Variants in LRCH4 observed in about 807,000 individuals in gnomAD.
LRCH4 encodes leucine rich repeats and calponin homology domain containing 4.
In LRCH4, 56 loss-of-function variants were observed where a neutral mutation model predicts 81.2. The ratio of observed to expected loss-of-function variants is 0.69; its 90% CI spans 0.56 to 0.86. The LOEUF (loss-of-function observed/expected upper bound fraction) is 0.86, where lower values mean the gene tolerates loss of function less well. Ranked by LOEUF, LRCH4 falls within the 40% of genes least tolerant of loss-of-function variation. The pLI is 0.00. For synonymous variants in LRCH4, 442 were observed against 409.7 expected, an observed-to-expected ratio of 1.08 and a Z score of -0.95; for missense variants, 895 against 922.8, an observed-to-expected ratio of 0.97 and a Z score of 0.39.
Position 100,582,950 on chromosome 7 carries a change from C to T in LRCH4, c.221-491G>A, listed in dbSNP as rs1026159680. The stretch of plus-strand genomic sequence containing the variant: ...CTTCTTCCCTACTCCAGTGTGTTTT[C>T]AACACGGGAAAAACCACAGGTCACT... On this transcript the variant is annotated intron_variant, in intron 1 of 17. Transcript: ENST00000310300. The surrounding 1 kb of genome is among the most constrained non-coding windows in gnomAD (Gnocchi z 5.0). Among the ~76,000 whole-genome samples, 1 of 152,180 alleles carries T rather than the reference C, an allele frequency of 6.6e-6. No individual in the cohort carries two copies. The highest frequency in any genetic ancestry group is 1.5e-5 in the Non-Finnish European group (1 of 68,026).
rs983477869 is a variant in LRCH4, at chr7:100,583,127, G to C, written c.221-668C>G. Reference sequence around the variant, plus strand: ...AAGACCTGGTTGGAGATGGGAGCTGGAGTTCCCAGGTCCCTCCCATCTGGG... The same window carrying C: ...AAGACCTGGTTGGAGATGGGAGCTGCAGTTCCCAGGTCCCTCCCATCTGGG... On this transcript the variant is annotated intron_variant, in intron 1 of 17. Coordinates refer to ENST00000310300, the MANE Select transcript of LRCH4 (RefSeq NM_002319.5). The surrounding 1 kb of genome is among the most constrained non-coding windows in gnomAD (Gnocchi z 4.3). Among the ~76,000 whole-genome samples the C allele has an allele frequency of 6.6e-6, 1 of 152,182 alleles. No homozygotes were observed. Among genetic ancestry groups the C allele is most frequent in the Non-Finnish European group, 1.5e-5 (1 of 68,024 alleles).
chr7:100,585,568 G>C (rs911481931), intron 1 of LRCH4, among the ~76,000 whole-genome samples: 1 of 152,072 alleles, frequency 6.6e-6, no homozygotes, highest in African/African-American at 2.4e-5. Flanking sequence ...GAGGTTAAGA[G>C]ATCATGTAAA....
chr7:100,578,598 C>T lies in LRCH4; in HGVS notation c.735+52G>A. 3 of 1,603,574 alleles carry T rather than the reference C, an allele frequency of 1.9e-6. No homozygotes were observed. Among genetic ancestry groups the T allele is most frequent in the Non-Finnish European group, 2.6e-6 (3 of 1,173,722 alleles). ...CAGCTATCCAAGGGGACCAACCCCA[C>T]TCCTGCCTAGCCACACCCCTGTCCT... On this transcript the variant is annotated intron_variant, in intron 5 of 17. Transcript: ENST00000310300. This position sits in a 1 kb window ranked among gnomAD's most constrained non-coding sequence, Gnocchi z 5.7.
rs755695889 is a variant in LRCH4, at chr7:100,578,310, C to G, written c.849-52G>C. 3.7e-6 allele frequency: 6 copies of G among 1,602,530 alleles called. No individual in the cohort carries two copies. The highest frequency in any genetic ancestry group is 2.7e-5 in the African/African-American group (2 of 74,698). On this transcript the variant is annotated intron_variant, in intron 6 of 17. Transcript: ENST00000310300. The surrounding 1 kb of genome is among the most constrained non-coding windows in gnomAD (Gnocchi z 5.7). ...AGCCTGATGCTGGACAACAGCCCCC[C>G]ATCCTCCTGCCAGAAAGCAGGGGGT...
At position 100,582,436 on chromosome 7, in the gene LRCH4, C is replaced by G. The variant is rs377324041; in HGVS notation, c.244G>C (p.Glu82Gln). 1.9e-6 allele frequency: 3 copies of G among 1,611,388 alleles called. No individual in the cohort carries two copies. ...AGCTGGCACGCCGCCTCGGGCACCT[C>G]GGGAAACCGGTTCCGGGACAGGTCT... The part of the protein sequence containing the change: ...QADLSRNRFP[E>Q]VPEAACQLVS... Residue 82 changes from glutamate to glutamine, a missense_variant, in exon 2 of 18, where the codon GAG (glutamate) becomes CAG (glutamine). Glu to Gln is a conservative substitution (Grantham distance 29, BLOSUM62 2). Around this residue, in one of 3 missense-constraint regions of LRCH4, gnomAD observed 360 missense variants for 397.0 expected, o/e 0.91. Transcript: ENST00000310300. The surrounding 1 kb of genome is among the most constrained non-coding windows in gnomAD (Gnocchi z 5.0).
chr7:100,574,618 ACGCG>A lies in LRCH4; in HGVS notation c.*485_*488del, dbSNP rs144874653. On this transcript the variant is annotated 3_prime_UTR_variant, in exon 18 of 18. Coordinates refer to ENST00000310300, the MANE Select transcript of LRCH4 (RefSeq NM_002319.5). ...CCACAGCCACCAACACGCGGAGCAGACGCGCGCGCGCGCGCACACACACACACAC... is the reference window on the plus strand; with the variant it reads ...CCACAGCCACCAACACGCGGAGCAGACGCGCGCGCGCACACACACACACAC... 1 of 152,526 alleles carries A rather than the reference ACGCG, an allele frequency of 6.6e-6. No homozygotes were observed. The highest frequency in any genetic ancestry group is 1.5e-5 in the Non-Finnish European group (1 of 68,872). The allele number at this position is 152,526 out of a possible 1,614,324, so 9.4% of individuals were successfully genotyped here. A position where few individuals can be genotyped will look rare whatever the true frequency, so the allele number is the denominator to read the frequency against.
chr7:100,580,435 CACACACACACA>C (rs1316595889), intron 4 of LRCH4: 1 of 152,252 alleles, frequency 6.6e-6, no homozygotes, highest in African/African-American at 2.4e-5. Context: ...CACACACACA[CACACACACACA>C]AAACCCACAC....
At position 100,582,029 on chromosome 7, in the gene LRCH4, C is replaced by T. The variant is rs1292461191; in HGVS notation, c.492+12G>A. On this transcript the variant is annotated intron_variant, in intron 3 of 17. Transcript: ENST00000310300. This position sits in a 1 kb window ranked among gnomAD's most constrained non-coding sequence, Gnocchi z 5.0. ...TCAGGGGTCCCTTTCCTGGTCCCGT[C>T]CCCATCCTCACAAGCTGTCGCAGGC... 1 of 1,606,086 alleles carries T rather than the reference C, an allele frequency of 6.2e-7. No individual in the cohort carries two copies. The highest frequency in any genetic ancestry group is 8.5e-7 in the Non-Finnish European group (1 of 1,176,618).
In LRCH4 at chr7:100,586,051, G is replaced by A; in HGVS notation, c.50C>T (p.Ala17Val). The A allele has an allele frequency of 3.2e-6, 5 of 1,580,282 alleles. No homozygotes were observed. The highest frequency in any genetic ancestry group is 3.4e-6 in the Non-Finnish European group (4 of 1,164,636). ...APLAAGGEEA[A>V]ATTSVPGSPG... ...AGACCCGGGCACGGAGGTCGTGGCT[G>A]CCGCCTCCTCACCCCCGGCGGCGAG... Residue 17 changes from alanine (A) to valine (V), a missense_variant, in exon 1 of 18, where the codon GCA (alanine) becomes GTA (valine). Ala to Val is a moderately conservative substitution (Grantham distance 64, BLOSUM62 0). Coordinates refer to ENST00000310300, the MANE Select transcript of LRCH4 (RefSeq NM_002319.5).
Position 100,575,742 on chromosome 7 carries a change from C to T in LRCH4, c.1817G>A (p.Ser606Asn). ...SALKARKNVESFLEACRKMGV... is the reference protein window; with the variant it reads ...SALKARKNVENFLEACRKMGV... ...CATTTTTCGACAGGCTTCTAGAAAACTCTCCACATTCTTCCGAGCCTTGAG... is the reference window on the plus strand; with the variant it reads ...CATTTTTCGACAGGCTTCTAGAAAATTCTCCACATTCTTCCGAGCCTTGAG... Residue 606 changes from serine to asparagine, a missense_variant, in exon 17 of 18, where the codon AGT (serine) becomes AAT (asparagine). This residue lies in a region of LRCH4 where 529 missense variants were observed against 504.9 expected (regional missense o/e 1.05). Coordinates refer to ENST00000310300, the MANE Select transcript of LRCH4 (RefSeq NM_002319.5). This position sits in a 1 kb window ranked among gnomAD's most constrained non-coding sequence, Gnocchi z 5.3. 1 of 1,613,724 alleles carries T rather than the reference C, an allele frequency of 6.2e-7. No individual in the cohort carries two copies. The highest frequency in any genetic ancestry group is 8.5e-7 in the Non-Finnish European group (1 of 1,179,764).
chr7:100,584,564 AACAG>A (rs1286600287), intron 1 of LRCH4: 3 of 396,310 alleles, frequency 7.6e-6, no homozygotes, highest in Admixed American at 2.9e-5. Context: ...AGGGGAAGGG[AACAG>A]ACAGTGAGTG....
rs770980717 is a variant in LRCH4, at chr7:100,575,685, T to G, written c.1854+20A>C. On this transcript the variant is annotated intron_variant, in intron 17 of 17. Coordinates refer to ENST00000310300, the MANE Select transcript of LRCH4 (RefSeq NM_002319.5). The surrounding 1 kb of genome is among the most constrained non-coding windows in gnomAD (Gnocchi z 5.3). The stretch of plus-strand genomic sequence containing the variant: ...GCTGAGTCCGGCATGCCACCACTCT[T>G]TAGAAAGCAGCCCCCATACCTCAGG... 6 of 1,613,758 alleles carry G rather than the reference T, an allele frequency of 3.7e-6. No individual in the cohort carries two copies. Among genetic ancestry groups the G allele is most frequent in the East Asian group, 4.5e-5 (2 of 44,896 alleles).
intron 1 of LRCH4, chr7:100,584,311 G>A: frequency 2.2e-6 from 1 of 448,762 alleles, no homozygotes. Context: ...TAGAACCTGG[G>A]CCCTGTGTAG....
chr7:100,581,589 CAG>C, intron 4 of LRCH4, 186 bp downstream of exon 4: 1 of 566,902 alleles, frequency 1.8e-6, no homozygotes, highest in South Asian at 2.2e-5. Flanking sequence ...AGTCTGCAGC[CAG>C]GAAAAGCACC....
At position 100,578,559 on chromosome 7, in the gene LRCH4, C is replaced by T. The variant is rs769967252; in HGVS notation, c.736-48G>A. ...CAGGGAGTTGGCAGGGAGGGCAGCT[C>T]CCCGGATCCTGCTCAGCTATCCAAG... On this transcript the variant is annotated intron_variant, in intron 5 of 17. Coordinates refer to ENST00000310300, the MANE Select transcript of LRCH4 (RefSeq NM_002319.5). This position sits in a 1 kb window ranked among gnomAD's most constrained non-coding sequence, Gnocchi z 5.7. The T allele has an allele frequency of 1.9e-6, 3 of 1,601,910 alleles. No individual in the cohort carries two copies. The highest frequency in any genetic ancestry group is 3.4e-5 in the Admixed American group (2 of 59,322).
chr7:100,583,923 G>C lies in LRCH4; in HGVS notation c.221-1464C>G, dbSNP rs1214505417. ...AAGCTAGGAGCGGAAGGGAGCTCAG[G>C]CAGGAGGCAGGGCACTGGGGGCACA... On this transcript the variant is annotated intron_variant, in intron 1 of 17. Transcript: ENST00000310300. The surrounding 1 kb of genome is among the most constrained non-coding windows in gnomAD (Gnocchi z 4.3). The C allele has an allele frequency of 6.4e-6, 2 of 310,434 alleles. No individual in the cohort carries two copies. Among genetic ancestry groups the C allele is most frequent in the Admixed American group, 8.0e-5 (2 of 24,854 alleles). 19.2% of individuals were successfully genotyped at this position (310,434 alleles called of 1,614,324 possible). A position where few individuals can be genotyped will look rare whatever the true frequency, so the allele number is the denominator to read the frequency against.
At chr7:100,585,344 A>T (rs940067488) in intron 1 of LRCH4, 1 of 158,814 alleles carries the variant, frequency 6.3e-6, no homozygotes, top group African/African-American at 2.4e-5. Flanking sequence ...TAGGCTGGAG[A>T]GCTGCGTGGA....
Position 100,574,031 on chromosome 7 carries a change from G to C in LRCH4, c.*1076C>G, listed in dbSNP as rs1801243079. 6.0e-6 allele frequency: 1 copy of C among 167,778 alleles called. No individual in the cohort carries two copies. The highest frequency in any genetic ancestry group is 2.0e-4 in the South Asian group (1 of 4,970). The allele number at this position is 167,778 out of a possible 1,614,324, so 10.4% of individuals were successfully genotyped here. A position where few individuals can be genotyped will look rare whatever the true frequency, so the allele number is the denominator to read the frequency against. On this transcript the variant is annotated 3_prime_UTR_variant, in exon 18 of 18. Transcript: ENST00000310300. ...CACAGTTACACCTGAGGGCCACCCA[G>C]AGGGCTTCTGGCTTCTGTTTATTGC...
At position 100,582,234 on chromosome 7, in the gene LRCH4, G is replaced by A. The variant is rs11761260; in HGVS notation, c.366-67C>T. 0.082 allele frequency: 131,875 copies of A among 1,613,152 alleles called. 6,111 individuals carry two copies. Among genetic ancestry groups the A allele is most frequent in the Non-Finnish European group, 0.094 (111,211 of 1,179,786 alleles). On this transcript the variant is annotated intron_variant, in intron 2 of 17. Transcript: ENST00000310300. The surrounding 1 kb of genome is among the most constrained non-coding windows in gnomAD (Gnocchi z 5.0). ...GGCATCCCAGCACTGCCATCCTCTC[G>A]GGGTCACTGGGTGGGTCACTCAGTA... is the stretch of plus-strand genomic sequence containing the variant.
Sources: gnomAD v4.1 joint callset for allele counts (sites outside exome capture counted in the v4.1 genomes callset) on GRCh38, gnomAD v4.1.1 for gene constraint, gnomAD v4.1.1 regional missense constraint, Gnocchi (gnomAD v3.1) non-coding constraint, MANE v1.5 for transcripts, NCBI Gene and HGNC (gene_info 2026-07-23, HGNC 2026-07-21) for gene names.